ITGB6: variants seen among roughly 807,000 people sequenced by gnomAD.
ITGB6 encodes the protein integrin subunit beta 6.
In ITGB6, 80 loss-of-function variants were observed where a neutral mutation model predicts 84.5. The ratio of observed to expected loss-of-function variants is 0.95; its 90% confidence interval spans 0.79 to 1.14. The LOEUF (loss-of-function observed/expected upper bound fraction) is 1.14. Among genes scored for constraint, ITGB6 ranks in the 50% most tolerant of loss-of-function variants. The pLI is 0.00. For synonymous variants in ITGB6, 383 were observed against 354.9 expected, an observed-to-expected ratio of 1.08 and a Z score of -0.89; for missense variants, 1,006 against 968.0, an observed-to-expected ratio of 1.04 and a Z score of -0.52.
At chr2:160,174,806 A>G (rs1307055792) in intron 4 of ITGB6, among the ~76,000 whole-genome samples, 2 of 152,246 alleles carry the variant, frequency 1.3e-5, no homozygotes, top group Admixed American at 1.3e-4. Context: ...CTAGCTGTGC[A>G]TGAAACTTTG....
At chr2:160,188,836 A>G (rs1574141339) in intron 4 of ITGB6, among the ~76,000 whole-genome samples, 1 of 151,824 alleles carries the variant, frequency 6.6e-6, no homozygotes, top group South Asian at 2.1e-4. Flanking sequence ...AAACTCCTGA[A>G]CTCATGATTC....
Position 160,137,494 on chromosome 2 carries a change from C to T in ITGB6, c.1600G>A (p.Gly534Arg), listed in dbSNP as rs1242129602. The change falls in exon 10 of 15, where the codon GGG becomes AGG. Residue 534 changes from glycine (G) to arginine (R), a missense_variant. By Grantham distance (125) the Gly-to-Arg change is moderately radical. Transcript: ENST00000283249. Reference sequence around the variant, plus strand: ...AAATTGTCACACTGGCAATAAGGCCCATAAATGTTTCCATAGGGAGACAAG... The same window carrying T: ...AAATTGTCACACTGGCAATAAGGCCTATAAATGTTTCCATAGGGAGACAAG... ...CHLSPYGNIY[G>R]PYCQCDNFSC... 4 of 1,614,164 alleles carry T rather than the reference C, an allele frequency of 2.5e-6. No homozygotes were observed. The highest frequency in any genetic ancestry group is 3.4e-6 in the Non-Finnish European group (4 of 1,180,006).
chr2:160,170,948 C>T (rs902782272), intron 6 of ITGB6, among the ~76,000 whole-genome samples: 4 of 152,090 alleles, frequency 2.6e-5, no homozygotes, highest in Admixed American at 6.5e-5. Flanking sequence ...CAGTTTCTTG[C>T]CCCTCACTGA....
intron 1 of ITGB6, 87 bp from the exon 2 acceptor site, chr2:160,199,345 C>G (rs1312309890): frequency 1.1e-6 from 1 of 951,446 alleles, no homozygotes; most frequent in African/African-American, 1.6e-5. Flanking sequence ...ATTACTTGAA[C>G]AAAACAACAT....
chr2:160,102,561 G>A (rs1236022340), intron 14 of ITGB6, among the ~76,000 whole-genome samples: 1 of 152,224 alleles, frequency 6.6e-6, no homozygotes. Context: ...AGGAAAAATG[G>A]CTTTGCCTTG....
intron 7 of ITGB6, among the ~76,000 whole-genome samples, chr2:160,167,995 C>T (rs13427061): frequency 0.2 from 29,607 of 151,330 alleles, 3,790 homozygotes; most frequent in Middle Eastern, 0.38. Context: ...TTAAAAAAGT[C>T]TCAACTGCAA....
At position 160,123,836 on chromosome 2, in the gene ITGB6, C is replaced by T. The variant is rs778578823; in HGVS notation, c.1936G>A (p.Val646Met). Reference protein sequence around the residue: ...SAAGQAREECVDKCKLAGATI... With the variant: ...SAAGQAREECMDKCKLAGATI... ...GCACCAGCTAGTTTGCACTTGTCCA[C>T]ACATTCTTCTCGGGCTTGGCCAGCT... is the stretch of plus-strand genomic sequence containing the variant. Residue 646 changes from valine to methionine, a missense_variant, in exon 12 of 15, where the codon GTG becomes ATG. Val to Met is a conservative substitution (Grantham distance 21). Transcript: ENST00000283249. 3.5e-5 allele frequency: 56 copies of T among 1,613,980 alleles called. 1 individual carries two copies. In the South Asian group the frequency reaches 6.0e-4, roughly 17 times the overall value.
At chr2:160,193,200 T>C (rs181678638) in intron 4 of ITGB6, among the ~76,000 whole-genome samples, 11 of 152,296 alleles carry the variant, frequency 7.2e-5, no homozygotes, top group Non-Finnish European at 1.6e-4. Flanking sequence ...AGCAGCCTTT[T>C]CATAATAGCT....
At chr2:160,114,588 T>C (rs1352421088) in intron 12 of ITGB6, among the ~76,000 whole-genome samples, 2 of 152,000 alleles carry the variant, frequency 1.3e-5, no homozygotes, top group Non-Finnish European at 2.9e-5. Flanking sequence ...ACGCAGAAGA[T>C]GGGTGATTTC....
chr2:160,159,185 C>G (rs1198550456), intron 7 of ITGB6, among the ~76,000 whole-genome samples: 2 of 151,998 alleles, frequency 1.3e-5, no homozygotes, highest in African/African-American at 4.8e-5. Flanking sequence ...TCCCTGTCCC[C>G]CAGGTTGATT....
intron 12 of ITGB6, among the ~76,000 whole-genome samples, chr2:160,118,616 G>A (rs1682887431): frequency 6.6e-6 from 1 of 152,132 alleles, no homozygotes; most frequent in Non-Finnish European, 1.5e-5. Context: ...AGACAGGGAT[G>A]CCCTGTCTCA....
At chr2:160,181,098 T>C (rs1395830248) in intron 4 of ITGB6, among the ~76,000 whole-genome samples, 2 of 152,112 alleles carry the variant, frequency 1.3e-5, no homozygotes, top group Non-Finnish European at 2.9e-5. Context: ...CCGGAGTTTT[T>C]TTTCATACCC....
intron 5 of ITGB6, among the ~76,000 whole-genome samples, chr2:160,173,168 G>A (rs1312535914): frequency 6.6e-6 from 1 of 152,096 alleles, no homozygotes; most frequent in East Asian, 1.9e-4. Flanking sequence ...CAACATTTAG[G>A]CACATATTTC....
At chr2:160,106,883 A>T (rs187354095) in intron 14 of ITGB6, among the ~76,000 whole-genome samples, 119 of 152,324 alleles carry the variant, frequency 7.8e-4, no homozygotes, top group African/African-American at 2.8e-3. Flanking sequence ...CTCCAGTGAT[A>T]TCATTGTTGT....
At chr2:160,139,409 C>A (rs1435998265) in intron 8 of ITGB6, among the ~76,000 whole-genome samples, 1 of 152,028 alleles carries the variant, frequency 6.6e-6, no homozygotes, top group Admixed American at 6.6e-5. Context: ...AAATGAGATG[C>A]TTTGATACTT....
At chr2:160,114,411 G>A (rs1682669266) in intron 12 of ITGB6, among the ~76,000 whole-genome samples, 3 of 152,170 alleles carry the variant, frequency 2.0e-5, no homozygotes, top group Non-Finnish European at 4.4e-5. Flanking sequence ...AAAATAAGAT[G>A]CCAGGCAGTC....
At chr2:160,146,239 A>T (rs1684181569) in intron 7 of ITGB6, among the ~76,000 whole-genome samples, 1 of 152,108 alleles carries the variant, frequency 6.6e-6, no homozygotes, top group Non-Finnish European at 1.5e-5. Context: ...GCACATATTT[A>T]TGGGGTACAG....
intron 3 of ITGB6, 73 bp from the exon 4 acceptor site, chr2:160,195,688 G>T: frequency 6.5e-7 from 1 of 1,550,040 alleles, no homozygotes; most frequent in Non-Finnish European, 8.8e-7. Context: ...CACTCGCTGG[G>T]TCAGCTGGCT....
intron 10 of ITGB6, among the ~76,000 whole-genome samples, chr2:160,134,459 C>T (rs947660463): frequency 6.6e-6 from 1 of 152,178 alleles, no homozygotes; most frequent in African/African-American, 2.4e-5. Context: ...GATTCACAGC[C>T]AAATTCTACC....
Sources: gnomAD v4.1 joint callset for allele counts (sites outside exome capture counted in the v4.1 genomes callset) on GRCh38, gnomAD v4.1.1 for gene constraint, MANE v1.5 for transcripts, NCBI Gene and HGNC (gene_info 2026-07-23, HGNC 2026-07-21) for gene names.